HIBCH: variants seen among roughly 807,000 people sequenced by gnomAD.
HIBCH encodes the protein 3-hydroxyisobutyryl-CoA hydrolase.
Under a neutral mutation model 58.2 loss-of-function variants are expected in HIBCH, and 50 were observed. The ratio of observed to expected loss-of-function variants is 0.86; its 90% confidence interval spans 0.68 to 1.09. The LOEUF is 1.09. Ranked by LOEUF, HIBCH falls within the 50% of genes least tolerant of loss-of-function variation. The pLI is 0.00. For synonymous variants in HIBCH, 151 were observed against 146.9 expected, an observed-to-expected ratio of 1.03 and a Z score of -0.20; for missense variants, 450 against 449.7, an observed-to-expected ratio of 1.00 and a Z score of -0.01.
intron 1 of HIBCH, 168 bp from the exon 2 acceptor site, chr2:190,310,964 C>G: frequency 1.4e-6 from 1 of 705,022 alleles, no homozygotes; most frequent in South Asian, 1.5e-5. Context: ...TTAAATGGTA[C>G]AGCCACTTTG....
chr2:190,258,263 C>T lies in HIBCH; in HGVS notation c.517+2893G>A, dbSNP rs747162222. 4.9e-4 allele frequency among the ~76,000 whole-genome samples: 75 copies of T among 152,290 alleles called. 1 individual carries two copies. The Middle Eastern group carries it at 0.017, about 35-fold the overall frequency. On this transcript the variant is annotated intron_variant, in intron 7 of 13. Transcript: ENST00000359678. ...ACGACTGTAAATTTCTGGAGACCTCCCCAATCATGCTTCCTGTACAGCCTG... is the reference window on the plus strand; with the variant it reads ...ACGACTGTAAATTTCTGGAGACCTCTCCAATCATGCTTCCTGTACAGCCTG...
intron 6 of HIBCH, among the ~76,000 whole-genome samples, chr2:190,262,348 C>T (rs1301234470): frequency 3.9e-5 from 6 of 152,110 alleles, no homozygotes; most frequent in African/African-American, 1.4e-4. Context: ...TGCCTAAGGT[C>T]CCTGAACTTG....
intron 11 of HIBCH, among the ~76,000 whole-genome samples, chr2:190,244,142 T>TACACACAC (rs374861129): frequency 6.6e-6 from 1 of 151,694 alleles, no homozygotes; most frequent in African/African-American, 2.4e-5. Context: ...TATATATATA[T>TACACACAC]ATATACACAC....
intron 6 of HIBCH, among the ~76,000 whole-genome samples, chr2:190,273,579 A>G (rs1331283892): frequency 1.3e-5 from 2 of 152,196 alleles, no homozygotes; most frequent in Non-Finnish European, 2.9e-5. Flanking sequence ...GAATGTATAT[A>G]AACATACACC....
rs1465114384 is a variant in HIBCH, at chr2:190,304,098, C to A, written c.78+6656G>T. On this transcript the variant is annotated intron_variant, in intron 2 of 13. Transcript: ENST00000359678. The surrounding 1 kb of genome is among the most constrained non-coding windows in gnomAD (Gnocchi z 4.1). ...GACTAGAGGAAACTAAAAAGCATGA[C>A]AAGTGAATGCAGTGTCATTGATTTC... Among the ~76,000 whole-genome samples the A allele has an allele frequency of 6.6e-6, 1 of 151,708 alleles. No individual in the cohort carries two copies. The highest frequency in any genetic ancestry group is 1.5e-5 in the Non-Finnish European group (1 of 67,948).
At position 190,236,831 on chromosome 2, in the gene HIBCH, T is replaced by G. The variant is rs1400418683; in HGVS notation, c.891+8056A>C. On this transcript the variant is annotated intron_variant, in intron 11 of 13. Transcript: ENST00000359678. This position sits in a 1 kb window ranked among gnomAD's most constrained non-coding sequence, Gnocchi z 4.1. ...TCTAAAGATACAAGTACTACTATTTTATGTTTCCTAAATGCCAATGGTAGC... is the reference window on the plus strand; with the variant it reads ...TCTAAAGATACAAGTACTACTATTTGATGTTTCCTAAATGCCAATGGTAGC... Among the ~76,000 whole-genome samples, 1 of 152,174 alleles carries G rather than the reference T, an allele frequency of 6.6e-6. No individual in the cohort carries two copies. The highest frequency in any genetic ancestry group is 1.5e-5 in the Non-Finnish European group (1 of 68,014).
intron 2 of HIBCH, among the ~76,000 whole-genome samples, chr2:190,310,271 T>C (rs78632979): frequency 1.3e-5 from 2 of 152,210 alleles, no homozygotes; most frequent in Non-Finnish European, 2.9e-5. Flanking sequence ...ACTGGCTTCC[T>C]TGCTCCTCAA....
chr2:190,208,727 AT>A, intron 13 of HIBCH, 152 bp downstream of exon 13: 1 of 706,974 alleles, frequency 1.4e-6, no homozygotes, highest in African/African-American at 1.8e-5. Flanking sequence ...TCCAATGAAC[AT>A]TTGAGTGTCA....
intron 11 of HIBCH, among the ~76,000 whole-genome samples, chr2:190,226,564 C>T (rs1685903232): frequency 7.1e-6 from 1 of 141,206 alleles, no homozygotes; most frequent in African/African-American, 2.6e-5. Context: ...CACCGCACTC[C>T]AGCCTGGGCA....
At chr2:190,296,422 C>A (rs1269780375) in intron 3 of HIBCH, among the ~76,000 whole-genome samples, 171 of 134,758 alleles carry the variant, frequency 1.3e-3, no homozygotes, top group Middle Eastern at 3.8e-3. Context: ...TCCTCCGTCT[C>A]AAAAAAAAAA....
Position 190,217,399 on chromosome 2 carries a change from G to T in HIBCH, c.892-4324C>A, listed in dbSNP as rs1223636580. On this transcript the variant is annotated intron_variant, in intron 11 of 13. Coordinates refer to ENST00000359678, the MANE Select transcript of HIBCH (RefSeq NM_014362.4). This position sits in a 1 kb window ranked among gnomAD's most constrained non-coding sequence, Gnocchi z 4.6. Reference sequence around the variant, plus strand: ...CTTGGGAGGCTGAGGCAGGAGAATAGCTTGAACCCAGGAGATGGAGGTTGC... The same window carrying T: ...CTTGGGAGGCTGAGGCAGGAGAATATCTTGAACCCAGGAGATGGAGGTTGC... 2.6e-5 allele frequency among the ~76,000 whole-genome samples: 4 copies of T among 152,114 alleles called. No homozygotes were observed. Among genetic ancestry groups the T allele is most frequent in the Non-Finnish European group, 4.4e-5 (3 of 68,014 alleles).
intron 2 of HIBCH, among the ~76,000 whole-genome samples, chr2:190,303,205 A>G (rs184854531): frequency 8.4e-4 from 128 of 152,342 alleles, no homozygotes; most frequent in African/African-American, 3.0e-3. Flanking sequence ...GTAAGTACAT[A>G]GTGTATATGC....
At chr2:190,195,531 G>A (rs1335323410) in intron 1 of HIBCH, among the ~76,000 whole-genome samples, 3 of 152,100 alleles carry the variant, frequency 2.0e-5, no homozygotes, top group East Asian at 1.9e-4. Flanking sequence ...TTTTCCATAC[G>A]TTTATGTGCC....
At chr2:190,251,774 G>A (rs749324666) in intron 8 of HIBCH, among the ~76,000 whole-genome samples, 28 of 151,528 alleles carry the variant, frequency 1.8e-4, no homozygotes, top group Non-Finnish European at 3.4e-4. Context: ...ATGCGCTAGG[G>A]AAACTCATAA....
intron 6 of HIBCH, among the ~76,000 whole-genome samples, chr2:190,262,711 T>C (rs291419): frequency 0.28 from 42,492 of 152,114 alleles, 6,472 homozygotes; most frequent in East Asian, 0.45. Context: ...CCCATATTAC[T>C]TCACATAGAA....
rs763554002 is a variant in HIBCH at position 190,296,902 on chromosome 2, C to A, written c.130G>T (p.Gly44Cys). The A allele has an allele frequency of 6.2e-6, 10 of 1,607,372 alleles. No individual in the cohort carries two copies. The South Asian group carries it at 1.1e-4, about 18-fold the overall frequency. Reference sequence around the variant, plus strand: ...TTTAGTGTTATGACTCCCGTGCAACCTTTTTTTTCCAATAGCACCTCTTCT... The same window carrying A: ...TTTAGTGTTATGACTCCCGTGCAACATTTTTTTTCCAATAGCACCTCTTCT... ...AAEEVLLEKK[G>C]CTGVITLNRP... The change falls in exon 3 of 14, where the codon GGT (glycine) becomes TGT (cysteine). Residue 44 changes from glycine to cysteine, a missense_variant. By Grantham distance (159) the Gly-to-Cys change is radical (BLOSUM62 -3). Coordinates refer to ENST00000359678, the MANE Select transcript of HIBCH (RefSeq NM_014362.4).
rs3838544 is a variant in HIBCH, at chr2:190,244,144, T to TACAC, written c.891+742_891+743insGTGT. On this transcript the variant is annotated intron_variant, in intron 11 of 13. Transcript: ENST00000359678. ...ATGTGGAGCCTAATATATATATATA[T>TACAC]ATACACACACACACACATATATATA... 4.2e-3 allele frequency among the ~76,000 whole-genome samples: 602 copies of TACAC among 142,784 alleles called. 4 individuals are homozygous for TACAC. The highest frequency in any genetic ancestry group is 0.015 in the African/African-American group (584 of 38,202). 93.7% of individuals were successfully genotyped at this position (142,784 alleles called of 152,430 possible).
chr2:190,292,233 G>A (rs550338513), intron 4 of HIBCH, among the ~76,000 whole-genome samples: 3 of 152,102 alleles, frequency 2.0e-5, no homozygotes, highest in Admixed American at 6.5e-5. Context: ...CTGCCGGCTC[G>A]GGCCTCCTAA....
intron 6 of HIBCH, chr2:190,280,945 C>G (rs1687691632): frequency 6.6e-6 from 1 of 152,286 alleles, no homozygotes; most frequent in Admixed American, 6.5e-5. Context: ...GTCTCTCACT[C>G]TGCCTTATGC....
Sources: allele counts gnomAD v4.1 joint callset (sites outside exome capture counted in the v4.1 genomes callset), GRCh38; gene constraint gnomAD v4.1.1; non-coding constraint Gnocchi (gnomAD v3.1); transcripts MANE v1.5; gene names NCBI Gene and HGNC (gene_info 2026-07-23, HGNC 2026-07-21).